Variants in ACOT12 observed in about 807,000 individuals in gnomAD.
ACOT12 encodes the protein acetyl-coenzyme A thioesterase.
ACOT12 carries 51 observed loss-of-function variants against 67.7 expected under a neutral mutation model. The ratio of observed to expected loss-of-function variants is 0.75; its 90% CI spans 0.60 to 0.95. The LOEUF is 0.95. Among genes scored for constraint, ACOT12 ranks in the 40% least tolerant of loss-of-function variants. The pLI, the probability that ACOT12 is intolerant of heterozygous loss-of-function variation, is 0.00. For synonymous variants in ACOT12, 251 were observed against 244.6 expected (o/e 1.03, Z -0.24); for missense variants, 734 against 708.1 (o/e 1.04, Z -0.41).
chr5:81,342,642 G>A (rs1436633152), intron 11 of ACOT12, 30 bp downstream of exon 11: 1 of 1,609,524 alleles, frequency 6.2e-7, no homozygotes, highest in Non-Finnish European at 8.5e-7. Flanking sequence ...GATGGGCGAT[G>A]GATTATGCAA....
At chr5:81,386,896 C>T (rs6872459) in intron 1 of ACOT12, among the ~76,000 whole-genome samples, 29,338 of 151,588 alleles carry the variant, frequency 0.19, 3,736 homozygotes, top group African/African-American at 0.35. Context: ...ATGGAAGAAT[C>T]GGACTCTAGG....
In ACOT12 at chr5:81,330,809, C is replaced by T. The variant is rs200075280; in HGVS notation, c.1518+5G>A. The T allele has an allele frequency of 9.3e-6, 15 of 1,612,148 alleles. No homozygotes were observed. Among genetic ancestry groups the T allele is most frequent in the African/African-American group, 1.3e-5 (1 of 74,906 alleles). On this transcript the variant is annotated splice_donor_5th_base_variant and intron_variant, in intron 14 of 14. Transcript: ENST00000307624. ...ATTAATCTGCAGATGTTTCATCAAA[C>T]TTACGATGCATGAATTGCTGTCAAT... is the stretch of plus-strand genomic sequence containing the variant.
At chr5:81,348,744 C>T (rs897274382) in intron 5 of ACOT12, among the ~76,000 whole-genome samples, 5 of 151,860 alleles carry the variant, frequency 3.3e-5, no homozygotes, top group African/African-American at 4.8e-5. Context: ...TTTGTATTTT[C>T]AGTAGAGATG....
At chr5:81,373,432 C>G (rs111488533) in intron 2 of ACOT12, among the ~76,000 whole-genome samples, 11,518 of 152,286 alleles carry the variant, frequency 0.076, 905 homozygotes, top group African/African-American at 0.2. Flanking sequence ...AAGCACAAAA[C>G]TGGGCGGCCA....
chr5:81,314,714 A>G, the ACOT12 span, among the ~76,000 whole-genome samples: 267 of 152,374 alleles, frequency 1.8e-3, 2 homozygotes, highest in African/African-American at 6.2e-3. Context: ...ACAAGACCAC[A>G]TGCATTATAA....
At chr5:81,364,022 G>A (rs1759999764) in intron 3 of ACOT12, 133 bp from the exon 4 acceptor site, 1 of 471,564 alleles carries the variant, frequency 2.1e-6, no homozygotes. Flanking sequence ...TTATTTTTAA[G>A]CAATAGAATT....
intron 5 of ACOT12, among the ~76,000 whole-genome samples, chr5:81,350,127 C>T (rs145567557): frequency 7.0e-4 from 106 of 152,198 alleles, no homozygotes; most frequent in African/African-American, 2.1e-3. Context: ...GCATGTTAGA[C>T]ATTTCTCTCC....
At chr5:81,319,767 A>T in the ACOT12 span, among the ~76,000 whole-genome samples, 1 of 151,548 alleles carries the variant, frequency 6.6e-6, no homozygotes. Context: ...CATCCTTCCT[A>T]TCCCCCAATG....
intron 6 of ACOT12, among the ~76,000 whole-genome samples, chr5:81,346,465 C>T (rs145826431): frequency 6.6e-6 from 1 of 152,330 alleles, no homozygotes; most frequent in East Asian, 1.9e-4. Context: ...TTTCCCCTCA[C>T]AGAAAAATTA....
intron 3 of ACOT12, among the ~76,000 whole-genome samples, chr5:81,364,913 A>G (rs1760029837): frequency 6.6e-6 from 1 of 152,108 alleles, no homozygotes; most frequent in Non-Finnish European, 1.5e-5. Context: ...TAGGCAGCAT[A>G]GTCTCAGAGT....
At chr5:81,327,717 A>C (rs917312044), downstream of ACOT12, among the ~76,000 whole-genome samples, 2 of 152,238 alleles carry the variant, frequency 1.3e-5, no homozygotes, top group African/African-American at 4.8e-5. Flanking sequence ...CTGGGATTAC[A>C]GGCGTGAGCC....
chr5:81,336,033 C>A (rs1758990404), intron 11 of ACOT12, 132 bp from the exon 12 acceptor site: 3 of 978,088 alleles, frequency 3.1e-6, no homozygotes, highest in African/African-American at 3.9e-5. Flanking sequence ...GAAATTGAAG[C>A]CCCATGGCAA....
downstream of ACOT12, among the ~76,000 whole-genome samples, chr5:81,327,167 A>ATG (rs1758692200): frequency 7.2e-6 from 1 of 139,666 alleles, no homozygotes; most frequent in African/African-American, 2.9e-5. Flanking sequence ...GATTATATAT[A>ATG]TGTGTATATA....
chr5:81,379,516 T>C (rs1303719491), intron 2 of ACOT12, among the ~76,000 whole-genome samples: 1 of 152,044 alleles, frequency 6.6e-6, no homozygotes, highest in African/African-American at 2.4e-5. Context: ...AAACGCTTTG[T>C]ATCATAATCT....
chr5:81,344,445 G>A (rs935325902), intron 8 of ACOT12, among the ~76,000 whole-genome samples: 3 of 152,190 alleles, frequency 2.0e-5, no homozygotes, highest in African/African-American at 7.2e-5. Context: ...TTTCTCAAAA[G>A]TGGAGATTAT....
At chr5:81,318,690 T>C in the ACOT12 span, among the ~76,000 whole-genome samples, 1 of 152,212 alleles carries the variant, frequency 6.6e-6, no homozygotes, top group Non-Finnish European at 1.5e-5. Context: ...ATAGGGGTCA[T>C]GATTCTCCTT....
rs1312509130 is a variant in ACOT12 at position 81,347,807 on chromosome 5, G to A, written c.620C>T (p.Ala207Val). The part of the protein sequence containing the change: ...HGNTFGGQIM[A>V]WMETVATISA... Reference sequence around the variant, plus strand: ...AATAGTAGCCACTGTCTCCATCCACGCCATAATCTGGCCACCAAATGTATT... The same window carrying A: ...AATAGTAGCCACTGTCTCCATCCACACCATAATCTGGCCACCAAATGTATT... Residue 207 changes from alanine to valine, a missense_variant, in exon 6 of 15, where the codon GCG (alanine) becomes GTG (valine). By Grantham distance (64) the Ala-to-Val change is moderately conservative. Transcript: ENST00000307624. 13 of 1,613,990 alleles carry A rather than the reference G, an allele frequency of 8.1e-6. No homozygotes were observed. The highest frequency in any genetic ancestry group is 2.2e-5 in the East Asian group (1 of 44,896).
chr5:81,352,588 A>G (rs894225350), intron 5 of ACOT12, among the ~76,000 whole-genome samples: 25 of 152,066 alleles, frequency 1.6e-4, no homozygotes, highest in Middle Eastern at 3.4e-3. Flanking sequence ...TAGCAGAAGC[A>G]TGCTTATGAG....
chr5:81,389,166 G>C (rs1760803496), intron 1 of ACOT12, among the ~76,000 whole-genome samples: 1 of 152,174 alleles, frequency 6.6e-6, no homozygotes, highest in Admixed American at 6.5e-5. Context: ...GGGGTATCCA[G>C]GAAGGCTGGA....
Sources: gnomAD v4.1 joint callset for allele counts (sites outside exome capture counted in the v4.1 genomes callset) on GRCh38, gnomAD v4.1.1 for gene constraint, MANE v1.5 for transcripts, NCBI Gene and HGNC (gene_info 2026-07-23, HGNC 2026-07-21) for gene names.